The following FBN1 variants were observed in gnomAD, a reference collection of about 807,000 sequenced individuals.
FBN1 encodes the protein fibrillin 1.
A neutral mutation model predicts 365.1 loss-of-function variants in FBN1; 29 were observed. The observed-to-expected ratio is 0.08, with a 90% CI of 0.06 to 0.11. The LOEUF is 0.11. Ranked by LOEUF, FBN1 falls within the 10% of genes least tolerant of loss-of-function variation. The probability of loss-of-function intolerance (pLI) is 1.00; values close to 1 mark genes in which losing one functional copy is unlikely to be tolerated. For missense variants in FBN1, 2,476 were observed against 3,703.2 expected, an observed-to-expected ratio of 0.67 and a Z score of 8.60; for synonymous variants, 1,210 against 1,270.5, an observed-to-expected ratio of 0.95 and a Z score of 1.01.
chr15:48,488,315 AAAG>A, intron 26 of FBN1, 50 bp downstream of exon 26: 1 of 1,542,484 alleles, frequency 6.5e-7, no homozygotes, highest in Non-Finnish European at 9.0e-7. Flanking sequence ...TGTTAAAGAT[AAAG>A]AGTTTTAAAG....
intron 2 of FBN1, 112 bp downstream of exon 2, chr15:48,644,494 G>A (rs1890254257): frequency 3.4e-6 from 5 of 1,472,108 alleles, no homozygotes; most frequent in Non-Finnish European, 4.7e-6. Context: ...CCTCTAAGGT[G>A]CCCCCAGGAG....
chr15:48,580,863 T>A (rs2140686664), intron 6 of FBN1, among the ~76,000 whole-genome samples: 1 of 152,310 alleles, frequency 6.6e-6, no homozygotes, highest in Non-Finnish European at 1.5e-5. Flanking sequence ...AATTATAATT[T>A]CATAATCAAG....
chr15:48,495,130 G>A lies in FBN1; in HGVS notation c.2670C>T (p.Cys890=). ...AGCATGGGTTTCTCTTACCAACTTG[G>A]CATAGGGTGCACGGGCTTCCCCACG... ...GAAWGSPCTL[C]QVDPICGKGY... Residue 890 remains cysteine, a synonymous_variant, in exon 22 of 66, where the codon TGC becomes TGT. Transcript: ENST00000316623. 1 of 1,614,062 alleles carries A rather than the reference G, an allele frequency of 6.2e-7. No homozygotes were observed. Among genetic ancestry groups the A allele is most frequent in the Non-Finnish European group, 8.5e-7 (1 of 1,179,970 alleles).
At chr15:48,412,176 T>G (rs1266690039) in intron 65 of FBN1, among the ~76,000 whole-genome samples, 1 of 152,224 alleles carries the variant, frequency 6.6e-6, no homozygotes, top group Non-Finnish European at 1.5e-5. Context: ...ACACTCCACA[T>G]GGCTCTTTTC....
chr15:48,640,168 T>G (rs1890173484), intron 2 of FBN1, among the ~76,000 whole-genome samples: 1 of 152,232 alleles, frequency 6.6e-6, no homozygotes, highest in Non-Finnish European at 1.5e-5. Flanking sequence ...TATGTTTTAA[T>G]TAATTTGTAT....
At chr15:48,474,130 T>C in intron 34 of FBN1, 125 bp downstream of exon 34, 1 of 1,445,382 alleles carries the variant, frequency 6.9e-7, no homozygotes, top group Non-Finnish European at 9.6e-7. Flanking sequence ...AGAGCTCTAG[T>C]GCCAAATGAT....
In FBN1 at chr15:48,488,435, G is replaced by C; in HGVS notation, c.3141C>G (p.Thr1047=). Reference sequence around the variant, plus strand: ...CACACCTGCACTTAAAGCTGCCAATGGTGTTTCTGCACTTGCCGTGGGTGC... The same window carrying C: ...CACACCTGCACTTAAAGCTGCCAATCGTGTTTCTGCACTTGCCGTGGGTGC... ...SLCTHGKCRN[T]IGSFKCRCDS... Residue 1047 remains threonine (T), a synonymous_variant, in exon 26 of 66, where the codon ACC becomes ACG. Coordinates refer to ENST00000316623, the MANE Select transcript of FBN1 (RefSeq NM_000138.5). 2 of 1,614,186 alleles carry C rather than the reference G, an allele frequency of 1.2e-6. No homozygotes were observed. Among genetic ancestry groups the C allele is most frequent in the Non-Finnish European group, 1.7e-6 (2 of 1,180,040 alleles).
intron 6 of FBN1, among the ~76,000 whole-genome samples, chr15:48,579,661 A>G (rs1306424417): frequency 6.6e-6 from 1 of 152,208 alleles, no homozygotes; most frequent in Non-Finnish European, 1.5e-5. Flanking sequence ...CTCAGTCCAC[A>G]TCACTCTGGA....
intron 17 of FBN1, 143 bp downstream of exon 17, chr15:48,503,644 G>T: frequency 1.0e-6 from 1 of 971,884 alleles, no homozygotes. Context: ...CTAGACACTG[G>T]CTGGCCTCTG....
At chr15:48,439,207 A>T (rs182346995) in intron 50 of FBN1, among the ~76,000 whole-genome samples, 1 of 152,354 alleles carries the variant, frequency 6.6e-6, no homozygotes, top group East Asian at 1.9e-4. Context: ...AAGTTATGTA[A>T]ATCAAATTCA....
At chr15:48,433,160 T>C (rs1255100032) in intron 54 of FBN1, among the ~76,000 whole-genome samples, 172 bp from the exon 55 acceptor site, 1 of 152,206 alleles carries the variant, frequency 6.6e-6, no homozygotes, top group Non-Finnish European at 1.5e-5. Flanking sequence ...GGGTTGATTA[T>C]TTTATATTTG....
chr15:48,629,098 G>A (rs558094672), intron 2 of FBN1, among the ~76,000 whole-genome samples: 5 of 152,302 alleles, frequency 3.3e-5, no homozygotes, highest in South Asian at 4.1e-4. Context: ...CAAACTAGAC[G>A]TTACTAGTCT....
At chr15:48,434,563 T>C in intron 54 of FBN1, 31 bp downstream of exon 54, 4 of 1,613,060 alleles carry the variant, frequency 2.5e-6, no homozygotes, top group African/African-American at 1.3e-5. Context: ...TCAGTACACG[T>C]AATCAACTGT....
At chr15:48,609,410 A>G (rs1369852608) in intron 4 of FBN1, among the ~76,000 whole-genome samples, 2 of 152,234 alleles carry the variant, frequency 1.3e-5, no homozygotes, top group African/African-American at 2.4e-5. Flanking sequence ...ATTTAAATGG[A>G]AGTAGTTTGT....
chr15:48,610,199 G>T (rs2044646097), intron 4 of FBN1, among the ~76,000 whole-genome samples: 1 of 152,144 alleles, frequency 6.6e-6, no homozygotes, highest in Non-Finnish European at 1.5e-5. Flanking sequence ...ATATTCATCT[G>T]GCATCACAGA....
intron 9 of FBN1, among the ~76,000 whole-genome samples, chr15:48,521,672 T>A (rs1027045199): frequency 6.6e-6 from 1 of 152,186 alleles, no homozygotes; most frequent in Non-Finnish European, 1.5e-5. Flanking sequence ...ACCTAACTTC[T>A]CCATATGCCT....
chr15:48,572,258 A>G (rs1269393691), intron 6 of FBN1, among the ~76,000 whole-genome samples: 1 of 152,204 alleles, frequency 6.6e-6, no homozygotes, highest in African/African-American at 2.4e-5. Context: ...AATTCTGAAC[A>G]TTATAAATGA....
At chr15:48,502,921 C>T (rs2043673476) in intron 17 of FBN1, among the ~76,000 whole-genome samples, 1 of 152,144 alleles carries the variant, frequency 6.6e-6, no homozygotes, top group Non-Finnish European at 1.5e-5. Flanking sequence ...TTCTGACTCG[C>T]TATCCAGTTC....
intron 6 of FBN1, among the ~76,000 whole-genome samples, chr15:48,581,203 G>T (rs1314058258): frequency 6.6e-6 from 1 of 152,138 alleles, no homozygotes; most frequent in Admixed American, 6.6e-5. Context: ...AAAACTCCCT[G>T]TTCTCAAGGG....
Sources: gnomAD v4.1 joint callset for allele counts (sites outside exome capture counted in the v4.1 genomes callset) on GRCh38, gnomAD v4.1.1 for gene constraint, MANE v1.5 for transcripts, NCBI Gene and HGNC (gene_info 2026-07-23, HGNC 2026-07-21) for gene names.